Variants in MYO7B observed in about 807,000 individuals in gnomAD.
MYO7B encodes the protein myosin VIIB.
Under a neutral mutation model 259.7 loss-of-function variants are expected in MYO7B, and 212 were observed. The observed-to-expected ratio is 0.82, with a 90% CI of 0.73 to 0.91. MYO7B has a LOEUF of 0.91. Ranked by LOEUF, MYO7B falls within the 40% of genes least tolerant of loss-of-function variation. The pLI, the probability that MYO7B is intolerant of heterozygous loss-of-function variation, is 0.00. For synonymous variants in MYO7B, 1,197 were observed against 1,166.4 expected, an observed-to-expected ratio of 1.03 and a Z score of -0.54; for missense variants, 2,732 against 2,813.5, an observed-to-expected ratio of 0.97 and a Z score of 0.66.
In MYO7B at chr2:127,540,948, A is replaced by C. The variant is rs115702289; in HGVS notation, c.-24+5117A>C. ...TAGGAAAGGGGGTTTCTCACAGGCTATCTCTACAGCTTAGGAAGTTTTCTC... is the reference window on the plus strand; with the variant it reads ...TAGGAAAGGGGGTTTCTCACAGGCTCTCTCTACAGCTTAGGAAGTTTTCTC... On this transcript the variant is annotated intron_variant, in intron 1 of 47. Coordinates refer to ENST00000409816, the MANE Select transcript of MYO7B (RefSeq NM_001393586.1). Among the ~76,000 whole-genome samples, 204 of 152,306 alleles carry C rather than the reference A, an allele frequency of 1.3e-3. 1 individual carries two copies. Among genetic ancestry groups the C allele is most frequent in the African/African-American group, 4.8e-3 (201 of 41,564 alleles).
intron 31 of MYO7B, 143 bp downstream of exon 31, chr2:127,625,678 A>T: frequency 1.0e-6 from 1 of 957,166 alleles, no homozygotes; most frequent in Non-Finnish European, 1.5e-6. Flanking sequence ...ACAGTTAAGT[A>T]GAGCCCTGTC....
At position 127,600,710 on chromosome 2, in the gene MYO7B, C is replaced by CA. The variant is rs577963295; in HGVS notation, c.2339+4161dup. 5.0e-3 allele frequency among the ~76,000 whole-genome samples: 756 copies of CA among 152,178 alleles called. 5 individuals are homozygous for CA. The highest frequency in any genetic ancestry group is 0.017 in the African/African-American group (695 of 41,534). On this transcript the variant is annotated intron_variant, in intron 19 of 47. Coordinates refer to ENST00000409816, the MANE Select transcript of MYO7B (RefSeq NM_001393586.1). The stretch of plus-strand genomic sequence containing the variant: ...GGGCAACAAGAGTAAGACTCTGTCT[C>CA]AAAAAAACAAAACAAAACAAAACAA...
In MYO7B at chr2:127,565,233, G is replaced by A. The variant is rs1678281760; in HGVS notation, c.133G>A (p.Glu45Lys). The change falls in exon 4 of 48, where the codon GAA (glutamate) becomes AAA (lysine). Residue 45 changes from glutamate to lysine, a missense_variant and splice_region_variant. Coordinates refer to ENST00000409816, the MANE Select transcript of MYO7B (RefSeq NM_001393586.1). ...KVLVEDDEGK[E>K]HWIRAEDFGV... ...GGGGAGTCTGCACCCATTGTTCCAGGAACACTGGATCCGAGCAGAGGACTT... is the reference window on the plus strand; with the variant it reads ...GGGGAGTCTGCACCCATTGTTCCAGAAACACTGGATCCGAGCAGAGGACTT... 1 of 1,613,376 alleles carries A rather than the reference G, an allele frequency of 6.2e-7. No homozygotes were observed. Among genetic ancestry groups the A allele is most frequent in the Non-Finnish European group, 8.5e-7 (1 of 1,179,574 alleles).
intron 42 of MYO7B, 117 bp from the exon 43 acceptor site, chr2:127,635,003 G>A: frequency 1.3e-6 from 1 of 792,090 alleles, no homozygotes; most frequent in Admixed American, 2.1e-5. Flanking sequence ...TGGGGAGGAA[G>A]AAGCGTGGGG....
intron 2 of MYO7B, among the ~76,000 whole-genome samples, chr2:127,561,992 A>T (rs1678107287): frequency 6.6e-6 from 1 of 151,316 alleles, no homozygotes. Context: ...GGGGGTGAGG[A>T]GAGGGAGAAA....
rs1367439998 is a variant in MYO7B, at chr2:127,614,665, G to A, written c.3398+2062G>A. Among the ~76,000 whole-genome samples the A allele has an allele frequency of 6.6e-6, 1 of 152,088 alleles. No individual in the cohort carries two copies. Among genetic ancestry groups the A allele is most frequent in the East Asian group, 1.9e-4 (1 of 5,186 alleles). ...GGGAGTGACATGGGTCTCTTCTCTG[G>A]CAGCCCCCAGTTCTCCTGGGGTCCC... On this transcript the variant is annotated intron_variant, in intron 26 of 47. Transcript: ENST00000409816. This position sits in a 1 kb window ranked among gnomAD's most constrained non-coding sequence, Gnocchi z 4.6.
At chr2:127,579,640 C>T (rs1679022399) in intron 9 of MYO7B, among the ~76,000 whole-genome samples, 1 of 152,136 alleles carries the variant, frequency 6.6e-6, no homozygotes. Flanking sequence ...GGCTGGAGTG[C>T]AGTGGTGGGA....
intron 2 of MYO7B, among the ~76,000 whole-genome samples, chr2:127,560,479 T>C (rs1051663808): frequency 7.2e-5 from 11 of 152,150 alleles, no homozygotes; most frequent in African/African-American, 2.7e-4. Flanking sequence ...CAAATATTCC[T>C]GTGTTCCGGT....
Position 127,582,287 on chromosome 2 carries a change from C to T in MYO7B, c.1201-17C>T, listed in dbSNP as rs200905380. 5.1e-4 allele frequency: 826 copies of T among 1,611,762 alleles called. 1 individual carries two copies. The highest frequency in any genetic ancestry group is 3.3e-4 in the Non-Finnish European group (386 of 1,179,066). On this transcript the variant is annotated splice_polypyrimidine_tract_variant and intron_variant, in intron 11 of 47. Transcript: ENST00000409816. ...AGCCTCCAAGCCCAGGATTCTCCCA[C>T]CCCCGTGTCTCTCCAGGGCATCTAT...
At chr2:127,540,400 G>T (rs1470280951) in intron 1 of MYO7B, among the ~76,000 whole-genome samples, 1 of 152,132 alleles carries the variant, frequency 6.6e-6, no homozygotes, top group African/African-American at 2.4e-5. Context: ...CTGACCTCAG[G>T]TGATCCACCC....
chr2:127,584,993 T>G lies in MYO7B; in HGVS notation c.1690+80T>G, dbSNP rs1274759926. The G allele has an allele frequency of 6.4e-7, 1 of 1,563,752 alleles. No individual in the cohort carries two copies. The highest frequency in any genetic ancestry group is 2.2e-5 in the East Asian group (1 of 44,490). On this transcript the variant is annotated intron_variant, in intron 14 of 47. Coordinates refer to ENST00000409816, the MANE Select transcript of MYO7B (RefSeq NM_001393586.1). The surrounding 1 kb of genome is among the most constrained non-coding windows in gnomAD (Gnocchi z 5.8). The stretch of plus-strand genomic sequence containing the variant: ...GACCGTGGAAAGCAGGCTCAGAGGA[T>G]GAGGCTATTTTGCAGCTCTAGCAAT...
In MYO7B at chr2:127,588,574, TC is replaced by T; in HGVS notation, c.1854+21del. The T allele has an allele frequency of 6.2e-7, 1 of 1,612,280 alleles. No individual in the cohort carries two copies. Among genetic ancestry groups the T allele is most frequent in the Non-Finnish European group, 8.5e-7 (1 of 1,179,556 alleles). On this transcript the variant is annotated intron_variant, in intron 15 of 47. Coordinates refer to ENST00000409816, the MANE Select transcript of MYO7B (RefSeq NM_001393586.1). ...CTTCAAGGTGGGCTCCCAGGCACCC[TC>T]CTGGGTCTGTCACCCCTGATGGCTA...
chr2:127,607,997 A>G lies in MYO7B; in HGVS notation c.2643+573A>G, dbSNP rs1414718326. On this transcript the variant is annotated intron_variant, in intron 21 of 47. Coordinates refer to ENST00000409816, the MANE Select transcript of MYO7B (RefSeq NM_001393586.1). This position sits in a 1 kb window ranked among gnomAD's most constrained non-coding sequence, Gnocchi z 4.4. ...CAGGGGACAGAGAAATATTAATACC[A>G]AGGGGAGCTGCTGAGTGTCTGGGGG... Among the ~76,000 whole-genome samples the G allele has an allele frequency of 1.3e-5, 2 of 152,122 alleles. No homozygotes were observed. Among genetic ancestry groups the G allele is most frequent in the Non-Finnish European group, 2.9e-5 (2 of 67,996 alleles).
rs1013288320 is a variant in MYO7B, at chr2:127,540,169, A to T, written c.-24+4338A>T. ...CGTGCAATTGTCTTTTTCTGGTTTT[A>T]TTTTTTTTTTTTGAGATGGAGTCTC... is the stretch of plus-strand genomic sequence containing the variant. On this transcript the variant is annotated intron_variant, in intron 1 of 47. Coordinates refer to ENST00000409816, the MANE Select transcript of MYO7B (RefSeq NM_001393586.1). Among the ~76,000 whole-genome samples the T allele has an allele frequency of 8.7e-3, 1,289 of 147,612 alleles. 10 individuals carry two copies. The highest frequency in any genetic ancestry group is 0.023 in the African/African-American group (927 of 40,014).
At chr2:127,569,207 CAA>C (rs35076829) in intron 5 of MYO7B, among the ~76,000 whole-genome samples, 6 of 77,430 alleles carry the variant, frequency 7.7e-5, no homozygotes, top group African/African-American at 9.1e-5. Context: ...GACTCCGTCT[CAA>C]AAAAAAAAAA....
rs373526948 is a variant in MYO7B, at chr2:127,578,279, G to T, written c.996G>T (p.Gly332=). The change falls in exon 9 of 48, where the codon GGG becomes GGT. Residue 332 remains glycine (G), a synonymous_variant. Coordinates refer to ENST00000409816, the MANE Select transcript of MYO7B (RefSeq NM_001393586.1). ...CCATTCTCCACCTGGGGAATGTGGG[G>T]TTCATGGGTAATGCCGGTTCTGCCC... ...LAAILHLGNV[G]FMASVFENLD... The T allele has an allele frequency of 1.2e-6, 2 of 1,613,690 alleles. No homozygotes were observed. The highest frequency in any genetic ancestry group is 2.2e-5 in the East Asian group (1 of 44,886).
chr2:127,617,021 G>A (rs994610652), intron 26 of MYO7B, among the ~76,000 whole-genome samples: 1 of 152,120 alleles, frequency 6.6e-6, no homozygotes, highest in African/African-American at 2.4e-5. Flanking sequence ...CCACTTTAGG[G>A]CTTAACCCTT....
At position 127,627,531 on chromosome 2, in the gene MYO7B, T is replaced by C. The variant is rs1681206782; in HGVS notation, c.4460+221T>C. The C allele has an allele frequency of 1.4e-6, 1 of 696,322 alleles. No individual in the cohort carries two copies. The highest frequency in any genetic ancestry group is 2.5e-6 in the Non-Finnish European group (1 of 393,162). The allele number at this position is 696,322 out of a possible 1,614,324, so 43.1% of individuals were successfully genotyped here. A position where few individuals can be genotyped will look rare whatever the true frequency, so the allele number is the denominator to read the frequency against. ...AGTACTCCATTGGGGCATCACGCGT[T>C]GCACTGGCAGCTTCTCTTTGAAACC... On this transcript the variant is annotated intron_variant, in intron 33 of 47. Transcript: ENST00000409816. The surrounding 1 kb of genome is among the most constrained non-coding windows in gnomAD (Gnocchi z 5.6).
At chr2:127,569,201 C>G (rs1208938106) in intron 5 of MYO7B, among the ~76,000 whole-genome samples, 5 of 128,306 alleles carry the variant, frequency 3.9e-5, no homozygotes, top group Non-Finnish European at 7.9e-5. Context: ...GAGTGAGACT[C>G]CGTCTCAAAA....
Sources: allele counts gnomAD v4.1 joint callset (sites outside exome capture counted in the v4.1 genomes callset), GRCh38; gene constraint gnomAD v4.1.1; non-coding constraint Gnocchi (gnomAD v3.1); transcripts MANE v1.5; gene names NCBI Gene and HGNC (gene_info 2026-07-23, HGNC 2026-07-21).